ROBO2: variants seen among roughly 807,000 people sequenced by gnomAD.
ROBO2 encodes roundabout homolog 2.
ROBO2 carries 53 observed loss-of-function variants against 160.8 expected under a neutral mutation model. The ratio of observed to expected loss-of-function variants is 0.33; its 90% CI spans 0.26 to 0.41. The LOEUF (loss-of-function observed/expected upper bound fraction) is 0.41. Ranked by LOEUF, ROBO2 falls within the 10% of genes least tolerant of loss-of-function variation. The probability of loss-of-function intolerance (pLI) is 1.00; values close to 1 mark genes in which losing one functional copy is unlikely to be tolerated. For synonymous variants in ROBO2, 664 were observed against 611.7 expected, an observed-to-expected ratio of 1.09 and a Z score of -1.26; for missense variants, 1,577 against 1,722.4, an observed-to-expected ratio of 0.92 and a Z score of 1.49.
chr3:76,854,576 T>A (rs1384849937), intron 2 of ROBO2, among the ~76,000 whole-genome samples: 2 of 152,184 alleles, frequency 1.3e-5, no homozygotes, highest in Non-Finnish European at 2.9e-5. Flanking sequence ...TTAGTTCAAC[T>A]TGTTAGAATA....
intron 2 of ROBO2, among the ~76,000 whole-genome samples, chr3:76,323,170 C>T (rs182166157): frequency 3.3e-5 from 5 of 151,308 alleles, no homozygotes; most frequent in Non-Finnish European, 5.9e-5. Context: ...CACACACACA[C>T]ACACACCCCT....
intron 2 of ROBO2, among the ~76,000 whole-genome samples, chr3:76,996,384 T>G (rs965531849): frequency 1.3e-5 from 2 of 152,120 alleles, no homozygotes; most frequent in East Asian, 1.9e-4. Flanking sequence ...GTCAGGTAGC[T>G]TGATGCCTCC....
chr3:76,191,657 C>G (rs921798877), intron 2 of ROBO2, among the ~76,000 whole-genome samples: 4 of 152,066 alleles, frequency 2.6e-5, no homozygotes, highest in Non-Finnish European at 5.9e-5. Flanking sequence ...GGAGAATACA[C>G]CTATTCTCTA....
At chr3:77,602,920 C>T (rs960570147) in intron 20 of ROBO2, 7 of 458,562 alleles carry the variant, frequency 1.5e-5, no homozygotes, top group Admixed American at 1.2e-4. Flanking sequence ...ATGACCTCTG[C>T]CCTTTAACCC....
chr3:76,254,453 G>A (rs1320959515), intron 2 of ROBO2, among the ~76,000 whole-genome samples: 1 of 152,100 alleles, frequency 6.6e-6, no homozygotes, highest in African/African-American at 2.4e-5. Flanking sequence ...TTTCCAGCGT[G>A]TAAATGCAGA....
At chr3:76,158,334 CCTCT>C (rs1559600609) in intron 2 of ROBO2, among the ~76,000 whole-genome samples, 2 of 152,014 alleles carry the variant, frequency 1.3e-5, no homozygotes, top group East Asian at 1.9e-4. Flanking sequence ...TCAGGAAAAT[CCTCT>C]CTCTAACTAT....
At chr3:77,314,548 A>T (rs961936535) in intron 2 of ROBO2, among the ~76,000 whole-genome samples, 1 of 152,224 alleles carries the variant, frequency 6.6e-6, no homozygotes, top group Admixed American at 6.5e-5. Flanking sequence ...AGATTCTGCT[A>T]TCAGGTTTTT....
At chr3:75,980,369 C>T (rs750857892) in intron 2 of ROBO2, among the ~76,000 whole-genome samples, 13 of 151,604 alleles carry the variant, frequency 8.6e-5, no homozygotes, top group African/African-American at 3.1e-4. Context: ...TCTATAGAAG[C>T]ATTTCTGATG....
At chr3:77,043,819 A>T (rs901675488) in intron 1 of ROBO2, among the ~76,000 whole-genome samples, 1 of 152,172 alleles carries the variant, frequency 6.6e-6, no homozygotes, top group African/African-American at 2.4e-5. Context: ...TAAAATGAGA[A>T]TGTTTTTCTC....
intron 2 of ROBO2, among the ~76,000 whole-genome samples, chr3:77,304,565 A>T (rs1401583681): frequency 6.6e-6 from 1 of 152,180 alleles, no homozygotes; most frequent in African/African-American, 2.4e-5. Context: ...GTCAAACATG[A>T]TTTAAAAGGT....
intron 6 of ROBO2, among the ~76,000 whole-genome samples, chr3:77,546,020 C>A (rs2092683994): frequency 6.6e-6 from 1 of 151,918 alleles, no homozygotes; most frequent in Non-Finnish European, 1.5e-5. Context: ...AAAAGCAGAA[C>A]CAACTTGAAA....
rs551853631 is a variant in ROBO2 at position 76,687,355 on chromosome 3, T to G, written c.110-410659T>G. ...TGAGAATTAAATGAGTTAATATATA[T>G]AGAGAGAGTATAAAGGAATATCTTG... On this transcript the variant is annotated intron_variant, in intron 2 of 26. Transcript: ENST00000487694. Among the ~76,000 whole-genome samples the G allele has an allele frequency of 1.3e-4, 20 of 152,174 alleles. 2 individuals are homozygous for G. Among genetic ancestry groups the G allele is most frequent in the Middle Eastern group, 3.4e-3 (1 of 292 alleles).
At chr3:77,120,650 C>T (rs2074662215) in intron 2 of ROBO2, among the ~76,000 whole-genome samples, 1 of 152,116 alleles carries the variant, frequency 6.6e-6, no homozygotes, top group South Asian at 2.1e-4. Flanking sequence ...TAGGAGTTGG[C>T]TTTGAAGAAA....
chr3:76,031,309 C>A (rs547250487), intron 2 of ROBO2, among the ~76,000 whole-genome samples: 167 of 152,262 alleles, frequency 1.1e-3, no homozygotes, highest in Non-Finnish European at 1.9e-3. Flanking sequence ...CATATGCAAA[C>A]AGGGACAATT....
rs1424924132 is a variant in ROBO2, at chr3:77,506,181, G to A, written c.806+12799G>A. On this transcript the variant is annotated intron_variant, in intron 5 of 25. Coordinates refer to ENST00000461745, the Ensembl canonical transcript of ROBO2. ...CCCTTCATTCCATGTGTTAGTCAAT[G>A]GCTGGTGACATTTTGTTTTGTATAT... is the stretch of plus-strand genomic sequence containing the variant. Among the ~76,000 whole-genome samples, 3 of 152,208 alleles carry A rather than the reference G, an allele frequency of 2.0e-5. No individual in the cohort carries two copies. The East Asian group carries it at 5.8e-4, about 29-fold the overall frequency.
chr3:76,434,081 TC>T (rs2076558337), intron 2 of ROBO2: 15 of 1,295,168 alleles, frequency 1.2e-5, no homozygotes, highest in Non-Finnish European at 1.7e-5. Context: ...GGAGGCAGTA[TC>T]CCATACCTCT....
chr3:76,770,997 A>G (rs2061870752), intron 2 of ROBO2, among the ~76,000 whole-genome samples: 2 of 151,468 alleles, frequency 1.3e-5, no homozygotes, highest in South Asian at 4.1e-4. Flanking sequence ...GAAATATACT[A>G]AATTTATGAT....
intron 2 of ROBO2, among the ~76,000 whole-genome samples, chr3:76,589,233 G>A (rs569573931): frequency 1.1e-4 from 17 of 152,138 alleles, no homozygotes; most frequent in African/African-American, 3.9e-4. Context: ...TATATACAAA[G>A]TTTATCTGTC....
rs576974694 is a variant in ROBO2, at chr3:77,321,768, G to A, written c.389-155646G>A. Among the ~76,000 whole-genome samples the A allele has an allele frequency of 8.5e-5, 13 of 152,190 alleles. No homozygotes were observed. In the South Asian group the frequency reaches 2.3e-3, roughly 27 times the overall value. ...AGGAAATACAAGGACAACTAAGACGGGCAAGCGGCAAGTGAACCGAGAACT... is the reference window on the plus strand; with the variant it reads ...AGGAAATACAAGGACAACTAAGACGAGCAAGCGGCAAGTGAACCGAGAACT... On this transcript the variant is annotated intron_variant, in intron 2 of 25. Coordinates refer to ENST00000461745, the Ensembl canonical transcript of ROBO2.
Sources: gnomAD v4.1 joint callset for allele counts (sites outside exome capture counted in the v4.1 genomes callset) on GRCh38, gnomAD v4.1.1 for gene constraint, MANE v1.5 for transcripts, NCBI Gene and HGNC (gene_info 2026-07-23, HGNC 2026-07-21) for gene names.